PTP4A3: variants seen among roughly 807,000 people sequenced by gnomAD.
The protein encoded by PTP4A3 is protein tyrosine phosphatase 4A3.
PTP4A3 carries 9 observed loss-of-function variants against 15.2 expected under a neutral mutation model. The observed-to-expected ratio is 0.59, with a 90% CI of 0.36 to 1.03. The LOEUF (loss-of-function observed/expected upper bound fraction) is 1.03, where lower values mean the gene tolerates loss of function less well. Ranked by LOEUF, PTP4A3 falls within the 50% of genes least tolerant of loss-of-function variation. PTP4A3 has a pLI of 0.02. For synonymous variants in PTP4A3, 95 were observed against 102.0 expected, an observed-to-expected ratio of 0.93 and a Z score of 0.41; for missense variants, 234 against 252.1, an observed-to-expected ratio of 0.93 and a Z score of 0.49.
At chr8:141,402,029 A>G (rs1286405952) in intron 1 of PTP4A3, among the ~76,000 whole-genome samples, 1 of 152,140 alleles carries the variant, frequency 6.6e-6, no homozygotes, top group Non-Finnish European at 1.5e-5. Context: ...ATATCACACA[A>G]GCCACCCTGG....
At position 141,417,830 on chromosome 8, in the gene PTP4A3, C is replaced by T. The variant is rs545037950; in HGVS notation, c.-853-3558C>T. ...TTTAGGCGGCAGGTGTGGGAGCCCC[C>T]GGCAGCCGGGTCGCCCGCCGGTCAC... On this transcript the variant is annotated intron_variant, in intron 1 of 5. Coordinates refer to ENST00000521578, the MANE Select transcript of PTP4A3 (RefSeq NM_032611.3). 5.3e-5 allele frequency among the ~76,000 whole-genome samples: 8 copies of T among 152,082 alleles called. No homozygotes were observed. The South Asian group carries it at 1.7e-3, about 31-fold the overall frequency.
At chr8:141,395,744 C>G (rs1221144085) in intron 1 of PTP4A3, among the ~76,000 whole-genome samples, 2 of 147,754 alleles carry the variant, frequency 1.4e-5, no homozygotes, top group African/African-American at 5.4e-5. Context: ...GGCCACCCCT[C>G]CCTCCTGCAG....
intron 1 of PTP4A3, among the ~76,000 whole-genome samples, chr8:141,416,024 G>A (rs1408188968): frequency 6.6e-6 from 1 of 152,078 alleles, no homozygotes; most frequent in African/African-American, 2.4e-5. Flanking sequence ...CTGGGGCTGT[G>A]CCAGCTGCAG....
At position 141,405,384 on chromosome 8, in the gene PTP4A3, C is replaced by T. The variant is rs184612764; in HGVS notation, c.-854+13300C>T. Among the ~76,000 whole-genome samples, 27 of 152,368 alleles carry T rather than the reference C, an allele frequency of 1.8e-4. No homozygotes were observed. The East Asian group carries it at 4.1e-3, about 23-fold the overall frequency. The stretch of plus-strand genomic sequence containing the variant: ...TCCTTCCTCCAGGCCCCCCAACCTC[C>T]GGGTCCCTGAGGTCGGAGCCAGTTT... On this transcript the variant is annotated intron_variant, in intron 1 of 5. Transcript: ENST00000521578.
intron 1 of PTP4A3, among the ~76,000 whole-genome samples, chr8:141,404,087 C>G (rs1228605236): frequency 6.6e-6 from 1 of 152,258 alleles, no homozygotes; most frequent in Non-Finnish European, 1.5e-5. Flanking sequence ...GGCGACACGC[C>G]TGTTCACCGG....
intron 1 of PTP4A3, among the ~76,000 whole-genome samples, chr8:141,413,076 C>T (rs1319868638): frequency 6.6e-6 from 1 of 152,182 alleles, no homozygotes; most frequent in Non-Finnish European, 1.5e-5. Flanking sequence ...GCTTGGGGGT[C>T]GGTTCCTGCC....
chr8:141,409,799 A>G (rs528315437), intron 1 of PTP4A3, among the ~76,000 whole-genome samples: 2 of 152,190 alleles, frequency 1.3e-5, no homozygotes, highest in East Asian at 3.9e-4. Context: ...AGGATGCACC[A>G]TGTGACCCAG....
intron 5 of PTP4A3, among the ~76,000 whole-genome samples, chr8:141,428,302 C>T (rs980169281): frequency 1.3e-5 from 2 of 151,976 alleles, no homozygotes; most frequent in African/African-American, 4.8e-5. Context: ...CCCCTCCCCG[C>T]CCTCCTTAGA....
rs1004098487 is a variant in PTP4A3 at position 141,421,459 on chromosome 8, C to T, written c.-782C>T. 1 of 152,344 alleles carries T rather than the reference C, an allele frequency of 6.6e-6. No individual in the cohort carries two copies. The highest frequency in any genetic ancestry group is 1.5e-5 in the Non-Finnish European group (1 of 68,136). The allele number at this position is 152,344 out of a possible 1,614,324, so 9.4% of individuals were successfully genotyped here. A position where few individuals can be genotyped will look rare whatever the true frequency, so the allele number is the denominator to read the frequency against. On this transcript the variant is annotated 5_prime_UTR_variant, in exon 2 of 6. Transcript: ENST00000521578. Reference sequence around the variant, plus strand: ...GGGCCCAGCCCTAAGCACTGCTGCGCCCAGGGTCGCCGCGCCTCCTGCTGA... The same window carrying T: ...GGGCCCAGCCCTAAGCACTGCTGCGTCCAGGGTCGCCGCGCCTCCTGCTGA...
chr8:141,396,188 C>T (rs755378000), intron 1 of PTP4A3, among the ~76,000 whole-genome samples: 18 of 152,188 alleles, frequency 1.2e-4, no homozygotes, highest in African/African-American at 2.7e-4. Flanking sequence ...TGGTCAGGAC[C>T]GTGATGGACT....
At position 141,429,236 on chromosome 8, in the gene PTP4A3, G is replaced by A. The variant is rs991801608; in HGVS notation, c.404+1412G>A. The stretch of plus-strand genomic sequence containing the variant: ...GGAAACGAGCACGGTGGAGCCACAC[G>A]GGGCACCTGCAGCTTTGCTGGGCAG... On this transcript the variant is annotated intron_variant, in intron 5 of 5. Coordinates refer to ENST00000521578, the MANE Select transcript of PTP4A3 (RefSeq NM_032611.3). 5.9e-5 allele frequency among the ~76,000 whole-genome samples: 9 copies of A among 152,382 alleles called. No homozygotes were observed. The East Asian group carries it at 1.5e-3, about 26-fold the overall frequency.
rs1833528720 is a variant in PTP4A3, at chr8:141,425,537, A to C, written c.198+397A>C. Among the ~76,000 whole-genome samples the C allele has an allele frequency of 7.6e-6, 1 of 131,548 alleles. No individual in the cohort carries two copies. Among genetic ancestry groups the C allele is most frequent in the Non-Finnish European group, 1.5e-5 (1 of 64,808 alleles). The allele number at this position is 131,548 out of a possible 152,430, so 86.3% of individuals were successfully genotyped here. On this transcript the variant is annotated intron_variant, in intron 3 of 5. Transcript: ENST00000521578. This position sits in a 1 kb window ranked among gnomAD's most constrained non-coding sequence, Gnocchi z 4.2. ...GTTGCCAGGCAGCAGGCTCCTGGGG[A>C]GGGCCCTTGGGCAGTTTCCTCGGCT...
intron 1 of PTP4A3, chr8:141,392,638 C>T (rs1832319615): frequency 6.6e-6 from 1 of 152,304 alleles, no homozygotes; most frequent in African/African-American, 2.4e-5. Context: ...CGCCTCAGCC[C>T]TCCAAGCACA....
At chr8:141,426,263 G>A (rs1438618397) in intron 3 of PTP4A3, among the ~76,000 whole-genome samples, 1 of 152,178 alleles carries the variant, frequency 6.6e-6, no homozygotes, top group South Asian at 2.1e-4. Flanking sequence ...CTACTGCAGC[G>A]CCCTGGCCCG....
chr8:141,424,313 G>C (rs1478918429), intron 2 of PTP4A3, among the ~76,000 whole-genome samples: 1 of 152,166 alleles, frequency 6.6e-6, no homozygotes, highest in African/African-American at 2.4e-5. Flanking sequence ...CGCAGTGGGG[G>C]TATAACTATC....
At position 141,431,388 on chromosome 8, in the gene PTP4A3, A is replaced by C; in HGVS notation, c.*344A>C. 3.1e-6 allele frequency: 1 copy of C among 322,912 alleles called. No homozygotes were observed. Among genetic ancestry groups the C allele is most frequent in the Non-Finnish European group, 5.7e-6 (1 of 175,994 alleles). 20.0% of individuals were successfully genotyped at this position (322,912 alleles called of 1,614,324 possible). On this transcript the variant is annotated 3_prime_UTR_variant, in exon 6 of 6. Transcript: ENST00000521578. ...CCTGTTTGTTGTGGGGTGGGGGTATATTTTGTAACCACTGGGCCCCCAGCC... is the reference window on the plus strand; with the variant it reads ...CCTGTTTGTTGTGGGGTGGGGGTATCTTTTGTAACCACTGGGCCCCCAGCC...
At chr8:141,420,738 G>T (rs964783417) in intron 1 of PTP4A3, among the ~76,000 whole-genome samples, 1 of 152,234 alleles carries the variant, frequency 6.6e-6, no homozygotes, top group Non-Finnish European at 1.5e-5. Context: ...CACAGTGGCG[G>T]GGGGACACTG....
intron 1 of PTP4A3, among the ~76,000 whole-genome samples, chr8:141,409,270 G>T (rs944137905): frequency 6.6e-6 from 1 of 152,236 alleles, no homozygotes; most frequent in Non-Finnish European, 1.5e-5. Context: ...AAAGTTCCTG[G>T]CCCGGGGCTG....
At chr8:141,426,136 C>T (rs1465728986) in intron 3 of PTP4A3, among the ~76,000 whole-genome samples, 2 of 152,130 alleles carry the variant, frequency 1.3e-5, no homozygotes, top group African/African-American at 2.4e-5. Flanking sequence ...GAGATGCCCC[C>T]GAGGGCTGTG....
Sources: allele counts gnomAD v4.1 joint callset (sites outside exome capture counted in the v4.1 genomes callset), GRCh38; gene constraint gnomAD v4.1.1; non-coding constraint Gnocchi (gnomAD v3.1); transcripts MANE v1.5; gene names NCBI Gene and HGNC (gene_info 2026-07-23, HGNC 2026-07-21).